The following ELMO1 variants were observed in gnomAD, a reference collection of about 807,000 sequenced individuals.
ELMO1 encodes engulfment and cell motility protein 1.
In ELMO1, 26 loss-of-function variants were observed where a neutral mutation model predicts 98.9. That is an observed-to-expected ratio of 0.26 (90% confidence interval 0.19 to 0.36). The LOEUF (loss-of-function observed/expected upper bound fraction) is 0.36. ELMO1 is among the 10% of genes least tolerant of loss of function. The pLI, the probability that ELMO1 is intolerant of heterozygous loss-of-function variation, is 1.00. For missense variants in ELMO1, 627 were observed against 935.2 expected, an observed-to-expected ratio of 0.67 and a Z score of 4.30; for synonymous variants, 346 against 346.0, an observed-to-expected ratio of 1.00 and a Z score of 0.00.
At chr7:37,234,953 C>T (rs760690816) in intron 7 of ELMO1, among the ~76,000 whole-genome samples, 4 of 152,186 alleles carry the variant, frequency 2.6e-5, no homozygotes, top group Admixed American at 6.5e-5. Flanking sequence ...AAAGCCAAAC[C>T]ATTCAGACCA....
At chr7:37,047,014 C>A (rs188848024) in intron 15 of ELMO1, among the ~76,000 whole-genome samples, 98 of 152,304 alleles carry the variant, frequency 6.4e-4, no homozygotes, top group Admixed American at 1.8e-3. Flanking sequence ...TTTAGGATCA[C>A]AATTTTCCAA....
At chr7:37,332,947 C>T (rs924418830) in intron 2 of ELMO1, among the ~76,000 whole-genome samples, 7 of 151,788 alleles carry the variant, frequency 4.6e-5, no homozygotes, top group South Asian at 4.2e-4. Context: ...GCGGCTAGGA[C>T]GGAAAAAGGG....
chr7:36,887,013 C>CT (rs1241015915), intron 18 of ELMO1, among the ~76,000 whole-genome samples: 1 of 152,172 alleles, frequency 6.6e-6, no homozygotes, highest in Non-Finnish European at 1.5e-5. Context: ...AGTGCCAGCT[C>CT]TCCTACAGCA....
chr7:36,994,019 A>C (rs1792038755), intron 16 of ELMO1, among the ~76,000 whole-genome samples: 3 of 152,238 alleles, frequency 2.0e-5, no homozygotes, highest in South Asian at 4.1e-4. Context: ...TTCACACACA[A>C]AAAAATCCCA....
intron 16 of ELMO1, among the ~76,000 whole-genome samples, chr7:36,927,857 T>G (rs923525856): frequency 6.6e-6 from 1 of 152,332 alleles, no homozygotes; most frequent in East Asian, 1.9e-4. Context: ...GGACTGTCAT[T>G]TTAACTACAG....
rs1037509329 is a variant in ELMO1, at chr7:37,106,228, C to A, written c.1192-9501G>T. 6.0e-4 allele frequency among the ~76,000 whole-genome samples: 92 copies of A among 152,172 alleles called. 1 individual carries two copies. Among genetic ancestry groups the A allele is most frequent in the African/African-American group, 2.2e-3 (90 of 41,508 alleles). On this transcript the variant is annotated intron_variant, in intron 14 of 21. Transcript: ENST00000310758. ...CACTGCTATGGTTTGAATGATGGTG[C>A]CCCTTCCGAAGTTCATGTTGAAACT...
At chr7:36,937,137 A>T (rs1584401568) in intron 16 of ELMO1, among the ~76,000 whole-genome samples, 1 of 152,174 alleles carries the variant, frequency 6.6e-6, no homozygotes, top group South Asian at 2.1e-4. Context: ...TCCCCCCAAA[A>T]GATATGCTGA....
At chr7:37,022,872 C>T (rs185816103) in intron 15 of ELMO1, among the ~76,000 whole-genome samples, 1 of 152,162 alleles carries the variant, frequency 6.6e-6, no homozygotes, top group Non-Finnish European at 1.5e-5. Flanking sequence ...ATGGTTTATT[C>T]ATACAGCAGC....
chr7:36,971,653 T>A (rs952696876), intron 16 of ELMO1, among the ~76,000 whole-genome samples: 1 of 152,204 alleles, frequency 6.6e-6, no homozygotes, highest in African/African-American at 2.4e-5. Flanking sequence ...ATTTACTCTT[T>A]GAAATGTGTT....
chr7:37,137,307 G>A (rs543415447), intron 13 of ELMO1, among the ~76,000 whole-genome samples: 225 of 152,026 alleles, frequency 1.5e-3, no homozygotes, highest in African/African-American at 5.1e-3. Flanking sequence ...TGATATAGAC[G>A]GCACCACAAT....
intron 17 of ELMO1, 143 bp from the exon 18 acceptor site, chr7:36,887,815 G>C (rs1805165075): frequency 1.5e-6 from 1 of 675,266 alleles, no homozygotes; most frequent in Non-Finnish European, 2.5e-6. Context: ...CTTTAGAGAA[G>C]TGTTTATTAA....
chr7:37,302,008 A>T (rs1798376322), intron 4 of ELMO1, among the ~76,000 whole-genome samples: 1 of 152,222 alleles, frequency 6.6e-6, no homozygotes, highest in African/African-American at 2.4e-5. Flanking sequence ...CCTTCGGATA[A>T]CTTCTGGAAA....
intron 15 of ELMO1, among the ~76,000 whole-genome samples, chr7:37,060,639 C>G (rs951245911): frequency 6.7e-6 from 1 of 148,748 alleles, no homozygotes; most frequent in African/African-American, 2.6e-5. Flanking sequence ...CCCTCTGAAC[C>G]TAAAAGTCCA....
At chr7:37,166,221 TTC>T (rs1372918598) in intron 13 of ELMO1, among the ~76,000 whole-genome samples, 1 of 152,196 alleles carries the variant, frequency 6.6e-6, no homozygotes, top group Non-Finnish European at 1.5e-5. Context: ...TATTTGATTC[TTC>T]TCTCTTTTTT....
chr7:37,400,740 T>C (rs1156814720), intron 1 of ELMO1, among the ~76,000 whole-genome samples: 1 of 152,216 alleles, frequency 6.6e-6, no homozygotes, highest in African/African-American at 2.4e-5. Context: ...CTTAGACTGA[T>C]GGCCATCTTC....
intron 15 of ELMO1, among the ~76,000 whole-genome samples, chr7:37,015,100 C>G (rs1193014647): frequency 6.6e-6 from 1 of 152,074 alleles, no homozygotes. Flanking sequence ...CACAGCTCAC[C>G]ATTTCTAAAG....
intron 16 of ELMO1, among the ~76,000 whole-genome samples, chr7:36,927,162 A>G (rs1463898454): frequency 6.6e-6 from 1 of 152,220 alleles, no homozygotes. Context: ...TTCCCATTTT[A>G]CAGACAAGAA....
intron 11 of ELMO1, 136 bp from the exon 12 acceptor site, chr7:37,213,593 A>C: frequency 1.3e-6 from 1 of 759,920 alleles, no homozygotes; most frequent in Non-Finnish European, 2.0e-6. Context: ...GGCACAGGGA[A>C]TTTCAGAGCT....
intron 1 of ELMO1, among the ~76,000 whole-genome samples, chr7:37,354,068 C>G (rs575138463): frequency 3.9e-5 from 6 of 152,346 alleles, no homozygotes; most frequent in African/African-American, 1.4e-4. Flanking sequence ...AGTAACTGCC[C>G]TGAATCTGTC....
Sources: gnomAD v4.1 joint callset for allele counts (sites outside exome capture counted in the v4.1 genomes callset) on GRCh38, gnomAD v4.1.1 for gene constraint, MANE v1.5 for transcripts, NCBI Gene and HGNC (gene_info 2026-07-23, HGNC 2026-07-21) for gene names.